Variants in HOMER2 observed in about 807,000 individuals in gnomAD.
HOMER2 encodes homer scaffold protein 2, also known as homer protein homolog 2.
In HOMER2, 27 loss-of-function variants were observed where a neutral mutation model predicts 47.0. The ratio of observed to expected loss-of-function variants is 0.57; its 90% CI spans 0.42 to 0.79. The LOEUF (loss-of-function observed/expected upper bound fraction) is 0.79, where lower values mean the gene tolerates loss of function less well. Ranked by LOEUF, HOMER2 falls within the 30% of genes least tolerant of loss-of-function variation. The pLI, the probability that HOMER2 is intolerant of heterozygous loss-of-function variation, is 0.00. For missense variants in HOMER2, 443 were observed against 435.0 expected (o/e 1.02, Z -0.16); for synonymous variants, 161 against 163.8 (o/e 0.98, Z 0.13).
At chr15:82,982,552 T>G (rs2030430000) in intron 1 of HOMER2, among the ~76,000 whole-genome samples, 1 of 152,192 alleles carries the variant, frequency 6.6e-6, no homozygotes, top group Non-Finnish European at 1.5e-5. Flanking sequence ...GTATCCCTAC[T>G]ATGAAAATCT....
chr15:82,895,861 C>A (rs1260184011), intron 1 of HOMER2, among the ~76,000 whole-genome samples: 5 of 152,212 alleles, frequency 3.3e-5, no homozygotes, highest in Admixed American at 2.6e-4. Flanking sequence ...CCCCTTGAAC[C>A]TGGCTCTCCA....
intron 1 of HOMER2, among the ~76,000 whole-genome samples, chr15:82,984,035 A>ATTT (rs1314984974): frequency 1.1e-3 from 162 of 145,700 alleles, no homozygotes; most frequent in Non-Finnish European, 1.8e-3. Context: ...TATTATTATT[A>ATTT]TTTTTTTTTT....
At chr15:82,978,945 T>C (rs2030299962) in intron 1 of HOMER2, among the ~76,000 whole-genome samples, 1 of 152,220 alleles carries the variant, frequency 6.6e-6, no homozygotes, top group South Asian at 2.1e-4. Flanking sequence ...GGTCTCGATC[T>C]CTTGACCTCG....
rs2053465824 is a variant in HOMER2 at position 82,911,963 on chromosome 15, G to C, written c.6-19122C>G. Among the ~76,000 whole-genome samples the C allele has an allele frequency of 2.0e-5, 3 of 152,286 alleles. No homozygotes were observed. In the South Asian group the frequency reaches 6.2e-4, roughly 32 times the overall value. ...GAGAATTGCTTGAACCCAGGAGGCGGAGGTTGCAGTGAGCCAAGATCGCAC... is the reference window on the plus strand; with the variant it reads ...GAGAATTGCTTGAACCCAGGAGGCGCAGGTTGCAGTGAGCCAAGATCGCAC... On this transcript the variant is annotated intron_variant, in intron 1 of 8. Coordinates refer to ENST00000450735, the MANE Select transcript of HOMER2 (RefSeq NM_004839.4).
intron 1 of HOMER2, among the ~76,000 whole-genome samples, chr15:82,921,171 C>T (rs1000725250): frequency 5.3e-5 from 8 of 152,232 alleles, no homozygotes; most frequent in Middle Eastern, 3.4e-3. Context: ...TGGCACACAC[C>T]TGTAATCCCA....
rs572783241 is a variant in HOMER2 at position 82,877,959 on chromosome 15, G to A, written c.163-2555C>T. ...AGCCCCAAGCAGGGTGGATATGGTG[G>A]AACCAAGACAGACCTAAGGAAGGTG... On this transcript the variant is annotated intron_variant, in intron 2 of 8. Transcript: ENST00000450735. Among the ~76,000 whole-genome samples the A allele has an allele frequency of 2.1e-3, 327 of 152,284 alleles. 6 individuals carry two copies. The highest frequency in any genetic ancestry group is 7.4e-4 in the Non-Finnish European group (50 of 68,018).
At chr15:82,980,540 A>G (rs2167602) in intron 1 of HOMER2, among the ~76,000 whole-genome samples, 34,301 of 151,938 alleles carry the variant, frequency 0.23, 4,312 homozygotes, top group East Asian at 0.58. Flanking sequence ...TGTGCTTCCT[A>G]TCTCCAGGAC....
rs537432564 is a variant in HOMER2, at chr15:82,906,352, T to C, written c.6-13511A>G. ...TTAATCCAATGATATCAAATCACCT[T>C]AAATGTCAATGTTCTAAATACACAA... is the stretch of plus-strand genomic sequence containing the variant. On this transcript the variant is annotated intron_variant, in intron 1 of 8. Coordinates refer to ENST00000450735, the MANE Select transcript of HOMER2 (RefSeq NM_004839.4). Among the ~76,000 whole-genome samples, 4 of 151,680 alleles carry C rather than the reference T, an allele frequency of 2.6e-5. No homozygotes were observed. In the East Asian group the frequency reaches 7.7e-4, roughly 29 times the overall value.
chr15:82,840,965 T>C (rs2051170788), exon 2 of HOMER2: 1 of 152,092 alleles, frequency 6.6e-6, no homozygotes, highest in Non-Finnish European at 1.5e-5. Context: ...TTTTAATTTT[T>C]TTAAGAAGTT....
chr15:82,900,241 T>C (rs1251261100), intron 1 of HOMER2, among the ~76,000 whole-genome samples: 2 of 151,966 alleles, frequency 1.3e-5, no homozygotes, highest in Non-Finnish European at 2.9e-5. Flanking sequence ...CATACTAGAA[T>C]TGGGCCTATG....
chr15:82,840,014 T>A (rs888563429), exon 2 of HOMER2: 1 of 152,032 alleles, frequency 6.6e-6, no homozygotes, highest in African/African-American at 2.4e-5. Flanking sequence ...TACCTGGAAA[T>A]TTAAAAGTAT....
intron 4 of HOMER2, among the ~76,000 whole-genome samples, chr15:82,859,397 G>A (rs1469464868): frequency 6.6e-6 from 1 of 152,016 alleles, no homozygotes; most frequent in Non-Finnish European, 1.5e-5. Flanking sequence ...GAGACCATGT[G>A]GAGTTCATAA....
At chr15:82,866,571 G>A (rs2051974483) in intron 3 of HOMER2, among the ~76,000 whole-genome samples, 1 of 152,176 alleles carries the variant, frequency 6.6e-6, no homozygotes, top group Non-Finnish European at 1.5e-5. Flanking sequence ...TTGACTCTGT[G>A]TCCCCAACCA....
chr15:82,868,541 A>ATATATATATATTTTTT, intron 3 of HOMER2, among the ~76,000 whole-genome samples: 8 of 71,284 alleles, frequency 1.1e-4, no homozygotes, highest in Non-Finnish European at 1.7e-4. Context: ...ATATATATAT[A>ATATATATATATTTTTT]TTTTTTTTTT....
chr15:82,913,433 C>A lies in HOMER2; in HGVS notation c.6-20592G>T, dbSNP rs1797912131. Among the ~76,000 whole-genome samples the A allele has an allele frequency of 6.6e-6, 1 of 152,272 alleles. No homozygotes were observed. On this transcript the variant is annotated intron_variant, in intron 1 of 8. Transcript: ENST00000450735. The surrounding 1 kb of genome is among the most constrained non-coding windows in gnomAD (Gnocchi z 4.1). ...ACTTCTCTTCTGCATCTGGAAACCC[C>A]ATGCAGTTCCTAACCAATGGTGCCT...
At chr15:82,861,260 G>A (rs927211800) in intron 4 of HOMER2, among the ~76,000 whole-genome samples, 1 of 152,126 alleles carries the variant, frequency 6.6e-6, no homozygotes, top group Non-Finnish European at 1.5e-5. Flanking sequence ...AGACATGCAA[G>A]AACATTCATC....
intron 1 of HOMER2, 28 bp downstream of exon 1, chr15:82,952,503 G>A (rs1193535906): frequency 3.4e-6 from 4 of 1,185,526 alleles, no homozygotes; most frequent in Admixed American, 9.0e-5. Flanking sequence ...AGGGGCGCGC[G>A]GAGAGCGCGC....
chr15:82,970,340 C>T (rs1011482966), intron 1 of HOMER2, among the ~76,000 whole-genome samples: 4 of 152,188 alleles, frequency 2.6e-5, no homozygotes, highest in African/African-American at 4.8e-5. Context: ...GGTTTCTTAT[C>T]GCCAGTGATT....
chr15:82,852,844 G>A (rs1280332595), intron 6 of HOMER2: 1 of 152,520 alleles, frequency 6.6e-6, no homozygotes, highest in African/African-American at 2.4e-5. Flanking sequence ...CTTCCCCAAG[G>A]CTGAATGGCA....
Sources: allele counts gnomAD v4.1 joint callset (sites outside exome capture counted in the v4.1 genomes callset), GRCh38; gene constraint gnomAD v4.1.1; non-coding constraint Gnocchi (gnomAD v3.1); transcripts MANE v1.5; gene names NCBI Gene and HGNC (gene_info 2026-07-23, HGNC 2026-07-21).